The following SH3GL1 variants were observed in gnomAD, a reference collection of about 807,000 sequenced individuals.
SH3GL1 encodes the protein endophilin-A2.
In SH3GL1, 21 loss-of-function variants were observed where a neutral mutation model predicts 48.8. The observed-to-expected ratio is 0.43, with a 90% confidence interval of 0.30 to 0.62. The LOEUF (loss-of-function observed/expected upper bound fraction) is 0.62. SH3GL1 is among the 20% of genes least tolerant of loss of function. The pLI is 0.11. For synonymous variants in SH3GL1, 282 were observed against 217.5 expected, an observed-to-expected ratio of 1.30 and a Z score of -2.61; for missense variants, 454 against 503.0, an observed-to-expected ratio of 0.90 and a Z score of 0.93.
At chr19:4,363,310 T>G in intron 7 of SH3GL1, 60 bp downstream of exon 7, 1 of 1,282,460 alleles carries the variant, frequency 7.8e-7, no homozygotes, top group Non-Finnish European at 1.1e-6. Flanking sequence ...GCTGCCCACT[T>G]GCGCTGGCAG....
At chr19:4,385,554 C>A (rs1973220421) in intron 1 of SH3GL1, among the ~76,000 whole-genome samples, 2 of 152,214 alleles carry the variant, frequency 1.3e-5, no homozygotes, top group Non-Finnish European at 2.9e-5. Context: ...CCCAGCAGCA[C>A]TCTTTCCTTC....
rs761041378 is a variant in SH3GL1, at chr19:4,365,474, C to A, written c.331+8G>T. ...CGGTGGGCGTGGCTTCCAGAGAGCACCACTCACCAAAGTTGGACTCGCCGC... is the reference window on the plus strand; with the variant it reads ...CGGTGGGCGTGGCTTCCAGAGAGCAACACTCACCAAAGTTGGACTCGCCGC... On this transcript the variant is annotated splice_region_variant and intron_variant, in intron 4 of 9. Transcript: ENST00000269886. The A allele has an allele frequency of 2.5e-6, 4 of 1,613,386 alleles. No individual in the cohort carries two copies. Among genetic ancestry groups the A allele is most frequent in the East Asian group, 4.5e-5 (2 of 44,872 alleles).
At chr19:4,363,276 T>C (rs1033380131) in intron 7 of SH3GL1, 94 bp downstream of exon 7, 4 of 952,162 alleles carry the variant, frequency 4.2e-6, no homozygotes, top group African/African-American at 3.2e-5. Context: ...TGCTCTGCCA[T>C]GTGCTCACCC....
At chr19:4,385,100 CAA>C (rs774287504) in intron 1 of SH3GL1, among the ~76,000 whole-genome samples, 1 of 109,882 alleles carries the variant, frequency 9.1e-6, no homozygotes, top group Non-Finnish European at 1.8e-5. Context: ...GACTCCATCT[CAA>C]AAAAAAAAAA....
intron 7 of SH3GL1, 110 bp downstream of exon 7, chr19:4,363,260 G>A: frequency 2.4e-6 from 2 of 844,110 alleles, no homozygotes; most frequent in South Asian, 3.2e-5. Context: ...GAAGAATCCA[G>A]GATGCTGCTC....
chr19:4,362,830 G>A, intron 7 of SH3GL1, 94 bp from the exon 8 acceptor site: 1 of 1,586,652 alleles, frequency 6.3e-7, no homozygotes, highest in Non-Finnish European at 8.6e-7. Flanking sequence ...ACCTGGCCTG[G>A]GACTGCAGGA....
chr19:4,373,706 T>C (rs1307363903), intron 1 of SH3GL1, among the ~76,000 whole-genome samples: 3 of 152,068 alleles, frequency 2.0e-5, no homozygotes, highest in Non-Finnish European at 4.4e-5. Flanking sequence ...GCAACCGAGA[T>C]ACCGGCTCTG....
chr19:4,392,658 G>C (rs941280916), intron 1 of SH3GL1, among the ~76,000 whole-genome samples: 1 of 151,712 alleles, frequency 6.6e-6, no homozygotes, highest in Non-Finnish European at 1.5e-5. Context: ...TTTTAAAAAA[G>C]AGGTCAGGGC....
At chr19:4,383,580 G>A (rs988620659) in intron 1 of SH3GL1, among the ~76,000 whole-genome samples, 2 of 152,028 alleles carry the variant, frequency 1.3e-5, no homozygotes, top group African/African-American at 4.8e-5. Context: ...CACCCACACT[G>A]AACTCATGGA....
intron 4 of SH3GL1, among the ~76,000 whole-genome samples, chr19:4,364,866 TTGTGTG>T (rs373324973): frequency 1.0e-3 from 98 of 97,124 alleles, no homozygotes; most frequent in African/African-American, 3.9e-3. Context: ...ACCCGGCTAA[TTGTGTG>T]TGTGTGTGTG....
At chr19:4,362,873 C>T (rs1972662465) in intron 7 of SH3GL1, 137 bp from the exon 8 acceptor site, 5 of 1,383,100 alleles carry the variant, frequency 3.6e-6, no homozygotes, top group Non-Finnish European at 5.0e-6. Flanking sequence ...ACACATGGAC[C>T]CTGGGACACA....
In SH3GL1 at chr19:4,383,601, T is replaced by A. The variant is rs550943845; in HGVS notation, c.46-16607A>T. On this transcript the variant is annotated intron_variant, in intron 1 of 9. Coordinates refer to ENST00000269886, the MANE Select transcript of SH3GL1 (RefSeq NM_003025.4). ...CACTGAACTCATGGACACGGAGCTA[T>A]CACTCCTGCCTGAGAGAACTGCTCT... is the stretch of plus-strand genomic sequence containing the variant. 5.9e-5 allele frequency among the ~76,000 whole-genome samples: 9 copies of A among 152,250 alleles called. No individual in the cohort carries two copies. The East Asian group carries it at 1.7e-3, about 29-fold the overall frequency.
intron 1 of SH3GL1, among the ~76,000 whole-genome samples, chr19:4,396,808 G>A (rs758953195): frequency 7.9e-5 from 12 of 152,126 alleles, no homozygotes; most frequent in East Asian, 3.9e-4. Flanking sequence ...CAGCAGCACC[G>A]CACCAAGCTG....
chr19:4,399,829 T>C (rs1973490022), intron 1 of SH3GL1, among the ~76,000 whole-genome samples: 1 of 152,214 alleles, frequency 6.6e-6, no homozygotes, highest in Admixed American at 6.5e-5. Context: ...GTCGCTTGTC[T>C]CTGGGGAGAA....
chr19:4,381,995 AGTCTTCACTAG>A (rs1829876867), intron 1 of SH3GL1, among the ~76,000 whole-genome samples: 1 of 152,082 alleles, frequency 6.6e-6, no homozygotes, highest in Non-Finnish European at 1.5e-5. Flanking sequence ...AGCAACACAA[AGTCTTCACTAG>A]GTCAGACCCT....
At position 4,367,662 on chromosome 19, in the gene SH3GL1, G is replaced by A. The variant is rs959149892; in HGVS notation, c.46-668C>T. 1.3e-5 allele frequency among the ~76,000 whole-genome samples: 2 copies of A among 152,216 alleles called. No homozygotes were observed. Among genetic ancestry groups the A allele is most frequent in the Admixed American group, 1.3e-4 (2 of 15,290 alleles). On this transcript the variant is annotated intron_variant, in intron 1 of 9. Transcript: ENST00000269886. The surrounding 1 kb of genome is among the most constrained non-coding windows in gnomAD (Gnocchi z 4.2). ...CAGCTACGGTGAAAGCGATGACAAT[G>A]ACAGGCACTTACAGCGTCTTTCCTC... is the stretch of plus-strand genomic sequence containing the variant.
At chr19:4,394,176 C>T (rs979378830) in intron 1 of SH3GL1, among the ~76,000 whole-genome samples, 3 of 151,570 alleles carry the variant, frequency 2.0e-5, no homozygotes, top group Non-Finnish European at 4.4e-5. Flanking sequence ...GCCAGCTCTA[C>T]CCCTAGTTAC....
At chr19:4,377,383 A>G (rs547949249) in intron 1 of SH3GL1, among the ~76,000 whole-genome samples, 56 of 152,346 alleles carry the variant, frequency 3.7e-4, no homozygotes, top group South Asian at 8.3e-4. Context: ...GTGAGCGGGC[A>G]CTGAGGAATG....
intron 4 of SH3GL1, among the ~76,000 whole-genome samples, chr19:4,364,898 G>GTGTGTGTGTGTA (rs1157007038): frequency 2.1e-5 from 2 of 96,012 alleles, no homozygotes; most frequent in Non-Finnish European, 4.5e-5. Flanking sequence ...GTGTGTGTGT[G>GTGTGTGTGTGTA]TATATATATA....
Sources: gnomAD v4.1 joint callset for allele counts (sites outside exome capture counted in the v4.1 genomes callset) on GRCh38, gnomAD v4.1.1 for gene constraint, Gnocchi (gnomAD v3.1) non-coding constraint, MANE v1.5 for transcripts, NCBI Gene and HGNC (gene_info 2026-07-23, HGNC 2026-07-21) for gene names.